The following IARS2 variants were observed in gnomAD, a reference collection of about 807,000 sequenced individuals.
IARS2 encodes isoleucyl-tRNA synthetase 2, mitochondrial, also known as isoleucine--tRNA ligase, mitochondrial.
In IARS2, 56 loss-of-function variants were observed where a neutral mutation model predicts 126.3. That is an observed-to-expected ratio of 0.44 (90% CI 0.36 to 0.55). The LOEUF (loss-of-function observed/expected upper bound fraction) is 0.55. Ranked by LOEUF, IARS2 falls within the 20% of genes least tolerant of loss-of-function variation. IARS2 has a pLI of 0.00. For missense variants in IARS2, 1,127 were observed against 1,245.9 expected (o/e 0.90, Z 1.44); for synonymous variants, 407 against 441.1 (o/e 0.92, Z 0.97).
Position 220,111,588 on chromosome 1 carries a change from ATATATATATATGTGTGTG to A in IARS2, c.1479+653_1479+670del, listed in dbSNP as rs1358035172. 5.6e-3 allele frequency among the ~76,000 whole-genome samples: 804 copies of A among 144,040 alleles called. 12 individuals are homozygous for A. Among genetic ancestry groups the A allele is most frequent in the African/African-American group, 0.02 (766 of 38,488 alleles). 94.5% of individuals were successfully genotyped at this position (144,040 alleles called of 152,430 possible). Reference sequence around the variant, plus strand: ...TCTTTCTATATGGGTATATATATATATATATATATATGTGTGTGTGTGTGTGTGTGTGTGTGTAAACAT... The same window carrying A: ...TCTTTCTATATGGGTATATATATATATGTGTGTGTGTGTGTGTGTAAACAT... On this transcript the variant is annotated intron_variant, in intron 11 of 22. Coordinates refer to ENST00000366922, the MANE Select transcript of IARS2 (RefSeq NM_018060.4).
chr1:220,125,539 C>T (rs1291611608), intron 13 of IARS2, among the ~76,000 whole-genome samples, 200 bp downstream of exon 13: 1 of 152,182 alleles, frequency 6.6e-6, no homozygotes, highest in African/African-American at 2.4e-5. Flanking sequence ...CGTGATGGCT[C>T]ACACCTGTAA....
In IARS2 at chr1:220,106,630, C is replaced by CT. The variant is rs200435156; in HGVS notation, c.1237-416dup. Among the ~76,000 whole-genome samples the CT allele has an allele frequency of 4.3e-3, 591 of 138,186 alleles. 4 individuals are homozygous for CT. The highest frequency in any genetic ancestry group is 9.2e-3 in the Admixed American group (126 of 13,742). The allele number at this position is 138,186 out of a possible 152,430, so 90.7% of individuals were successfully genotyped here. A position where few individuals can be genotyped will look rare whatever the true frequency, so the allele number is the denominator to read the frequency against. ...TTCCTATTTCCTTTTCTTTTCTTTT[C>CT]TTTTTTTTTTTTTTTGAGAGGGAGT... On this transcript the variant is annotated intron_variant, in intron 9 of 22. Coordinates refer to ENST00000366922, the MANE Select transcript of IARS2 (RefSeq NM_018060.4).
intron 12 of IARS2, among the ~76,000 whole-genome samples, chr1:220,122,978 T>C (rs1657078299): frequency 6.6e-6 from 1 of 152,008 alleles, no homozygotes; most frequent in African/African-American, 2.4e-5. Flanking sequence ...AGAATTATTC[T>C]TTTTTAATGA....
Position 220,102,216 on chromosome 1 carries a change from A to C in IARS2, c.638A>C (p.Tyr213Ser). ...ATGGCAGATTGGAATAATTGCTACT[A>C]TACATTTGATGGGAAGTATGAAGCC... ...GIMADWNNCY[Y>S]TFDGKYEAKQ... Residue 213 changes from tyrosine to serine, a missense_variant, in exon 4 of 23, where the codon TAT becomes TCT. Transcript: ENST00000366922. The C allele has an allele frequency of 6.2e-7, 1 of 1,612,162 alleles. No homozygotes were observed.
chr1:220,125,106 T>C lies in IARS2; in HGVS notation c.1641-131T>C, dbSNP rs1657125847. The C allele has an allele frequency of 5.9e-6, 3 of 508,690 alleles. No individual in the cohort carries two copies. The East Asian group carries it at 8.9e-5, about 15-fold the overall frequency. 31.5% of individuals were successfully genotyped at this position (508,690 alleles called of 1,614,324 possible). A position where few individuals can be genotyped will look rare whatever the true frequency, so the allele number is the denominator to read the frequency against. ...TTTTTTATTTATATTGAATTTAAAA[T>C]GATAGCAGCTTTTTCTTCAAACTAA... is the stretch of plus-strand genomic sequence containing the variant. On this transcript the variant is annotated intron_variant, in intron 12 of 22. Coordinates refer to ENST00000366922, the MANE Select transcript of IARS2 (RefSeq NM_018060.4).
At chr1:220,135,846 A>G (rs1553271239) in intron 15 of IARS2, among the ~76,000 whole-genome samples, 3 of 111,744 alleles carry the variant, frequency 2.7e-5, no homozygotes, top group Admixed American at 1.9e-4. Context: ...TGAGTTATAT[A>G]GTTTTTCCGC....
intron 13 of IARS2, among the ~76,000 whole-genome samples, chr1:220,125,659 G>A (rs577619367): frequency 1.4e-4 from 22 of 152,214 alleles, no homozygotes; most frequent in Non-Finnish European, 2.9e-4. Flanking sequence ...ATAAAAATTA[G>A]CTGAGCATTG....
intron 15 of IARS2, 83 bp from the exon 16 acceptor site, chr1:220,136,722 TTAGA>T (rs1157918856): frequency 5.2e-6 from 3 of 575,336 alleles, no homozygotes; most frequent in East Asian, 3.2e-5. Context: ...TGTGTCAAAC[TTAGA>T]TACTCTTTTT....
chr1:220,106,993 G>C, intron 9 of IARS2, 68 bp from the exon 10 acceptor site: 2 of 1,030,732 alleles, frequency 1.9e-6, no homozygotes. Flanking sequence ...TATATATATT[G>C]TTTTGCCAGA....
chr1:220,130,177 C>T (rs1657231394), intron 14 of IARS2, among the ~76,000 whole-genome samples: 1 of 152,176 alleles, frequency 6.6e-6, no homozygotes, highest in Non-Finnish European at 1.5e-5. Flanking sequence ...AATGTCTGTT[C>T]AGACCCTTTG....
chr1:220,142,050 G>C, intron 20 of IARS2, 102 bp downstream of exon 20: 1 of 1,077,036 alleles, frequency 9.3e-7, no homozygotes, highest in South Asian at 1.5e-5. Context: ...TCCATTTACA[G>C]TGACTGCTGT....
In IARS2 at chr1:220,102,232, G is replaced by T. The variant is rs988091643; in HGVS notation, c.654G>T (p.Lys218Asn). 20 of 1,611,354 alleles carry T rather than the reference G, an allele frequency of 1.2e-5. No individual in the cohort carries two copies. Among genetic ancestry groups the T allele is most frequent in the Non-Finnish European group, 1.6e-5 (19 of 1,179,406 alleles). Residue 218 changes from lysine to asparagine, a missense_variant, in exon 4 of 23, where the codon AAG becomes AAT. Physicochemically the swap from Lys to Asn is moderately conservative, Grantham distance 94 (BLOSUM62 0). Transcript: ENST00000366922. ...ATTGCTACTATACATTTGATGGGAA[G>T]TATGAAGCCAAACAGTTGAGAACTT... ...WNNCYYTFDG[K>N]YEAKQLRTFY...
intron 14 of IARS2, among the ~76,000 whole-genome samples, chr1:220,128,421 G>A (rs1657195442): frequency 6.6e-6 from 1 of 152,192 alleles, no homozygotes. Flanking sequence ...GTGCAGGTTT[G>A]TAGCCTAGAA....
Position 220,139,189 on chromosome 1 carries a change from G to T in IARS2, c.2307+50G>T. 2.0e-6 allele frequency: 3 copies of T among 1,514,372 alleles called. No individual in the cohort carries two copies. The South Asian group carries it at 3.7e-5, about 19-fold the overall frequency. The allele number at this position is 1,514,372 out of a possible 1,614,324, so 93.8% of individuals were successfully genotyped here. A position where few individuals can be genotyped will look rare whatever the true frequency, so the allele number is the denominator to read the frequency against. On this transcript the variant is annotated intron_variant, in intron 18 of 22. Coordinates refer to ENST00000366922, the MANE Select transcript of IARS2 (RefSeq NM_018060.4). ...GGAAACTAGAAATATCAGCACTATTGTAGGTTAAAATTTTAGTTTTATCTG... is the reference window on the plus strand; with the variant it reads ...GGAAACTAGAAATATCAGCACTATTTTAGGTTAAAATTTTAGTTTTATCTG...
At chr1:220,119,696 A>G (rs1281336606) in intron 12 of IARS2, among the ~76,000 whole-genome samples, 1 of 152,104 alleles carries the variant, frequency 6.6e-6, no homozygotes, top group Non-Finnish European at 1.5e-5. Flanking sequence ...TGTATATAAG[A>G]TGTCCAATAC....
In IARS2 at chr1:220,125,288, C is replaced by CTGG; in HGVS notation, c.1696_1698dup (p.Trp566dup). The CTGG allele has an allele frequency of 6.2e-7, 1 of 1,613,914 alleles. No individual in the cohort carries two copies. The highest frequency in any genetic ancestry group is 8.5e-7 in the Non-Finnish European group (1 of 1,179,864). ...TAGTGGAACAACACGGCAGTGATAT[C>CTGG]TGGTGGACTCTTCCCCCTGAACAAC... On this transcript the variant is annotated inframe_insertion, in exon 13 of 23. Coordinates refer to ENST00000366922, the MANE Select transcript of IARS2 (RefSeq NM_018060.4).
At chr1:220,133,912 T>G (rs1360703366) in intron 14 of IARS2, among the ~76,000 whole-genome samples, 1 of 151,882 alleles carries the variant, frequency 6.6e-6, no homozygotes, top group African/African-American at 2.4e-5. Context: ...TACTGTTAAC[T>G]GTCTATAGAA....
chr1:220,147,751 TG>T lies in IARS2; in HGVS notation c.*118del. On this transcript the variant is annotated 3_prime_UTR_variant, in exon 23 of 23. Coordinates refer to ENST00000366922, the MANE Select transcript of IARS2 (RefSeq NM_018060.4). ...TTTAGGTAATGAGTGGATGAGTAAATGGTGGAGGATGGGAGTCAAAATCAGA... is the reference window on the plus strand; with the variant it reads ...TTTAGGTAATGAGTGGATGAGTAAATGTGGAGGATGGGAGTCAAAATCAGA... The T allele has an allele frequency of 1.0e-6, 1 of 955,880 alleles. No homozygotes were observed. Among genetic ancestry groups the T allele is most frequent in the East Asian group, 2.5e-5 (1 of 40,754 alleles). 59.2% of individuals were successfully genotyped at this position (955,880 alleles called of 1,614,324 possible).
At chr1:220,133,075 A>G (rs1657302368) in intron 14 of IARS2, among the ~76,000 whole-genome samples, 1 of 151,330 alleles carries the variant, frequency 6.6e-6, no homozygotes, top group Admixed American at 6.6e-5. Flanking sequence ...CAGTGGCACA[A>G]TCTCTGCCCA....
Sources: allele counts gnomAD v4.1 joint callset (sites outside exome capture counted in the v4.1 genomes callset), GRCh38; gene constraint gnomAD v4.1.1; transcripts MANE v1.5; gene names NCBI Gene and HGNC (gene_info 2026-07-23, HGNC 2026-07-21).